CHKA: variants seen among roughly 807,000 people sequenced by gnomAD.
CHKA encodes the protein choline kinase alpha, also known as CHETK-alpha.
In CHKA, 34 loss-of-function variants were observed where a neutral mutation model predicts 60.1. The ratio of observed to expected loss-of-function variants is 0.57; its 90% CI spans 0.43 to 0.75. The LOEUF (loss-of-function observed/expected upper bound fraction) is 0.75, where lower values mean the gene tolerates loss of function less well. Among genes scored for constraint, CHKA ranks in the 30% least tolerant of loss-of-function variants. CHKA has a pLI of 0.00. For missense variants in CHKA, 563 were observed against 561.3 expected (o/e 1.00, Z -0.03); for synonymous variants, 217 against 223.1 (o/e 0.97, Z 0.24).
chr11:68,063,965 G>A (rs1161992796), intron 10 of CHKA, among the ~76,000 whole-genome samples: 2 of 152,176 alleles, frequency 1.3e-5, no homozygotes, highest in Non-Finnish European at 2.9e-5. Flanking sequence ...CCCAGTCTCA[G>A]GTAATATCTT....
chr11:68,100,632 A>AATAAATACATAC (rs1243796820), intron 1 of CHKA, among the ~76,000 whole-genome samples: 1 of 150,880 alleles, frequency 6.6e-6, no homozygotes, highest in South Asian at 2.1e-4. Context: ...TAAATAAATA[A>AATAAATACATAC]ATACAAGAGC....
chr11:68,107,945 C>T (rs987057212), intron 1 of CHKA, among the ~76,000 whole-genome samples: 1 of 152,126 alleles, frequency 6.6e-6, no homozygotes, highest in Non-Finnish European at 1.5e-5. Flanking sequence ...ATTACGATCT[C>T]ATTGTGGAAA....
At chr11:68,120,593 C>T (rs1858589037) in intron 1 of CHKA, among the ~76,000 whole-genome samples, 1 of 152,224 alleles carries the variant, frequency 6.6e-6, no homozygotes, top group Admixed American at 6.5e-5. Flanking sequence ...GACGTTTTTA[C>T]AAAAGCCTGT....
intron 1 of CHKA, among the ~76,000 whole-genome samples, chr11:68,098,286 A>AG (rs1337795350): frequency 4.6e-5 from 7 of 151,100 alleles, no homozygotes; most frequent in East Asian, 1.9e-4. Flanking sequence ...AAAAAAAAAA[A>AG]AAAAAAGAAA....
intron 3 of CHKA, among the ~76,000 whole-genome samples, chr11:68,079,610 G>A (rs545225294): frequency 2.0e-4 from 30 of 152,304 alleles, no homozygotes; most frequent in Middle Eastern, 3.4e-3. Flanking sequence ...GGATTACGGC[G>A]TGAGCCACCA....
chr11:68,096,565 T>C (rs1357398265), intron 2 of CHKA, among the ~76,000 whole-genome samples: 1 of 152,132 alleles, frequency 6.6e-6, no homozygotes, highest in Non-Finnish European at 1.5e-5. Flanking sequence ...TTTAAAGAAA[T>C]CTCAGAGAAA....
At chr11:68,064,098 A>G (rs1260555892) in intron 10 of CHKA, among the ~76,000 whole-genome samples, 1 of 152,182 alleles carries the variant, frequency 6.6e-6, no homozygotes, top group African/African-American at 2.4e-5. Context: ...TGCAAGTCCT[A>G]AAGATGTACG....
At chr11:68,087,813 A>G (rs539712837) in intron 2 of CHKA, among the ~76,000 whole-genome samples, 4 of 152,246 alleles carry the variant, frequency 2.6e-5, no homozygotes, top group Admixed American at 2.6e-4. Flanking sequence ...CTATAAATAA[A>G]TAAGTAAGAA....
rs374884989 is a variant in CHKA, at chr11:68,066,488, C to T, written c.957G>A (p.Glu319=). Residue 319 remains glutamate (E), a synonymous_variant, in exon 8 of 12, where the codon GAG becomes GAA. Transcript: ENST00000265689. ...EGNILLLEGR[E]NSEKQKLMLI... ...GCATCAGTTTCTGTTTTTCAGAATT[C>T]TCTCGGCCTTCCAGCAACAAGATAT... The T allele has an allele frequency of 2.6e-5, 42 of 1,614,046 alleles. No individual in the cohort carries two copies. The highest frequency in any genetic ancestry group is 3.6e-5 in the Non-Finnish European group (42 of 1,180,006).
chr11:68,121,223 G>A lies in CHKA; in HGVS notation c.-46C>T, dbSNP rs1008233247. 13 of 1,113,120 alleles carry A rather than the reference G, an allele frequency of 1.2e-5. No homozygotes were observed. In the Middle Eastern group the frequency reaches 1.2e-3, roughly 103 times the overall value. 69.0% of individuals were successfully genotyped at this position (1,113,120 alleles called of 1,614,324 possible). On this transcript the variant is annotated 5_prime_UTR_variant, in exon 1 of 12. Transcript: ENST00000265689. ...GGCGCGGGCGGCCGCAGCGCGAGAG[G>A]ACTAGGCTCAGAGTCCGGCCGGGCG...
intron 2 of CHKA, among the ~76,000 whole-genome samples, chr11:68,096,290 G>A (rs1250094714): frequency 1.3e-5 from 2 of 152,104 alleles, no homozygotes; most frequent in Admixed American, 1.3e-4. Context: ...GAACCCGGGA[G>A]GCAGAGGTTG....
chr11:68,113,081 C>CAAAAAAAAAAAAAAAA (rs71040587), intron 1 of CHKA, among the ~76,000 whole-genome samples: 2 of 14,550 alleles, frequency 1.4e-4, no homozygotes, highest in African/African-American at 2.0e-4. Flanking sequence ...GACTCCGTCT[C>CAAAAAAAAAAAAAAAA]AAAAAAAAAA....
At chr11:68,085,450 A>C (rs1857148916) in intron 2 of CHKA, among the ~76,000 whole-genome samples, 1 of 151,828 alleles carries the variant, frequency 6.6e-6, no homozygotes, top group African/African-American at 2.4e-5. Context: ...TGAATTCCTG[A>C]GCTCAAGTGA....
At chr11:68,103,365 A>T (rs560364045) in intron 1 of CHKA, among the ~76,000 whole-genome samples, 5 of 150,194 alleles carry the variant, frequency 3.3e-5, no homozygotes, top group East Asian at 3.9e-4. Flanking sequence ...CAGTAAATTT[A>T]AAAAAAATAA....
chr11:68,121,281 G>C lies in CHKA; in HGVS notation c.-104C>G, dbSNP rs1375988763. The C allele has an allele frequency of 6.3e-6, 6 of 954,290 alleles. No homozygotes were observed. The Admixed American group carries it at 2.3e-4, about 36-fold the overall frequency. 59.1% of individuals were successfully genotyped at this position (954,290 alleles called of 1,614,324 possible). On this transcript the variant is annotated 5_prime_UTR_variant, in exon 1 of 12. Coordinates refer to ENST00000265689, the MANE Select transcript of CHKA (RefSeq NM_001277.3). ...GCCGCTCTCTCACTGGCAGGCCGGC[G>C]GGGCAGGGGGCCGCGGCGGTTGGGC...
chr11:68,117,041 C>T (rs1858413874), intron 1 of CHKA, among the ~76,000 whole-genome samples: 1 of 152,062 alleles, frequency 6.6e-6, no homozygotes, highest in Non-Finnish European at 1.5e-5. Context: ...GTGAAATGCC[C>T]TCTAGGAATT....
At chr11:68,063,155 T>TA (rs751363928) in intron 10 of CHKA, among the ~76,000 whole-genome samples, 5 of 152,108 alleles carry the variant, frequency 3.3e-5, no homozygotes, top group Non-Finnish European at 7.3e-5. Flanking sequence ...AGGAGAAACT[T>TA]AAGAGTTAAA....
At chr11:68,098,796 C>T (rs1424151824) in intron 1 of CHKA, among the ~76,000 whole-genome samples, 1 of 151,978 alleles carries the variant, frequency 6.6e-6, no homozygotes, top group African/African-American at 2.4e-5. Context: ...CAGGTTCAAG[C>T]GATTCTCCTG....
intron 2 of CHKA, chr11:68,081,696 T>G: frequency 2.3e-6 from 1 of 430,672 alleles, no homozygotes; most frequent in Middle Eastern, 6.3e-4. Context: ...TGAGACCCGA[T>G]AGCTGCACGT....
Sources: gnomAD v4.1 joint callset for allele counts (sites outside exome capture counted in the v4.1 genomes callset) on GRCh38, gnomAD v4.1.1 for gene constraint, MANE v1.5 for transcripts, NCBI Gene and HGNC (gene_info 2026-07-23, HGNC 2026-07-21) for gene names.